Variants in QTGAL observed in about 807,000 individuals in gnomAD.
QTGAL encodes BGnT-like protein 1.
the QTGAL span, among the ~76,000 whole-genome samples, chr17:82,993,642 G>T: frequency 3.9e-5 from 6 of 151,900 alleles, no homozygotes; most frequent in Non-Finnish European, 5.9e-5. Flanking sequence ...GGACCTAATA[G>T]ATATTTACAA....
At chr17:83,016,341 C>T in the QTGAL span, among the ~76,000 whole-genome samples, 88 of 152,186 alleles carry the variant, frequency 5.8e-4, no homozygotes, top group East Asian at 0.014. Flanking sequence ...TCCCGCAAAA[C>T]GGCCTTAGGA....
At chr17:82,979,735 C>T in the QTGAL span, among the ~76,000 whole-genome samples, 9 of 152,164 alleles carry the variant, frequency 5.9e-5, no homozygotes, top group Non-Finnish European at 1.2e-4. Flanking sequence ...CAGCTAGATT[C>T]TTTGTAAATA....
chr17:82,994,174 C>T, the QTGAL span, among the ~76,000 whole-genome samples: 1 of 151,664 alleles, frequency 6.6e-6, no homozygotes, highest in East Asian at 1.9e-4. Flanking sequence ...TAAATGAATT[C>T]AACATAAAGA....
chr17:82,991,073 G>A, the QTGAL span, among the ~76,000 whole-genome samples: 1,849 of 152,302 alleles, frequency 0.012, 43 homozygotes, highest in African/African-American at 0.042. Flanking sequence ...GATCGTAGAT[G>A]AAAATTAACT....
chr17:82,945,323 T>A, the QTGAL span: 17 of 152,168 alleles, frequency 1.1e-4, no homozygotes, highest in African/African-American at 4.1e-4. Flanking sequence ...GGTCTCAGAA[T>A]GAAATGAAAT....
chr17:83,006,558 G>C, the QTGAL span: 1 of 985,372 alleles, frequency 1.0e-6, no homozygotes, highest in Non-Finnish European at 1.2e-6. This position sits in a 1 kb window ranked among gnomAD's most constrained non-coding sequence, Gnocchi z 5.8. Flanking sequence ...CCCAGGGCAC[G>C]AGCACCCGAG....
the QTGAL span, chr17:83,048,799 G>C: frequency 6.2e-7 from 1 of 1,600,174 alleles, no homozygotes; most frequent in East Asian, 2.2e-5. Context: ...GAATTCAAAA[G>C]AAATGGATTA....
At chr17:83,026,239 T>A in the QTGAL span, among the ~76,000 whole-genome samples, 2 of 152,150 alleles carry the variant, frequency 1.3e-5, no homozygotes, top group African/African-American at 2.4e-5. Context: ...TTCGCAGGCA[T>A]CACTCTTCCG....
the QTGAL span, among the ~76,000 whole-genome samples, chr17:82,964,207 G>A: frequency 7.3e-6 from 1 of 136,592 alleles, no homozygotes; most frequent in Non-Finnish European, 1.5e-5. Context: ...AGGTTGTAGT[G>A]AGTGAGCCAC....
the QTGAL span, among the ~76,000 whole-genome samples, chr17:83,034,511 GAATT>G: frequency 4.7e-5 from 7 of 149,306 alleles, no homozygotes; most frequent in African/African-American, 9.7e-5. Context: ...ATCTCATCTT[GAATT>G]AATAACTGAT....
chr17:83,038,933 C>CA, the QTGAL span, among the ~76,000 whole-genome samples: 4 of 128,436 alleles, frequency 3.1e-5, 1 homozygote, highest in Admixed American at 3.3e-4. Flanking sequence ...ATTACAGAAG[C>CA]AAGTTGAAAC....
the QTGAL span, chr17:82,947,053 A>G: frequency 7.2e-7 from 1 of 1,389,582 alleles, no homozygotes; most frequent in African/African-American, 1.4e-5. Flanking sequence ...AGCCTCCTCC[A>G]GGGCCAGGGG....
the QTGAL span, among the ~76,000 whole-genome samples, chr17:83,037,776 C>G: frequency 1.3e-5 from 2 of 152,300 alleles, no homozygotes; most frequent in East Asian, 3.9e-4. This position sits in a 1 kb window ranked among gnomAD's most constrained non-coding sequence, Gnocchi z 5.2. Flanking sequence ...GCCTGGGTAA[C>G]GAAGGAAGAC....
At chr17:82,989,893 A>G in the QTGAL span, among the ~76,000 whole-genome samples, 2 of 152,258 alleles carry the variant, frequency 1.3e-5, no homozygotes, top group Non-Finnish European at 2.9e-5. Context: ...ACAGGAGTAT[A>G]TTACGGGCAA....
the QTGAL span, chr17:83,006,525 T>C: frequency 4.1e-6 from 4 of 985,414 alleles, no homozygotes; most frequent in African/African-American, 7.0e-5. This position sits in a 1 kb window ranked among gnomAD's most constrained non-coding sequence, Gnocchi z 5.8. Flanking sequence ...GAGAGGGACA[T>C]GATGGAGTCC....
the QTGAL span, chr17:83,034,939 AATG>A: frequency 1.9e-6 from 2 of 1,045,672 alleles, no homozygotes; most frequent in African/African-American, 3.2e-5. Context: ...CCATTAGAAA[AATG>A]ATTTTCAAGA....
chr17:82,983,447 T>C, the QTGAL span, among the ~76,000 whole-genome samples: 3 of 152,164 alleles, frequency 2.0e-5, no homozygotes, highest in African/African-American at 4.8e-5. Context: ...GTGGACTCAG[T>C]GTGACACATT....
chr17:82,951,848 C>T, the QTGAL span, among the ~76,000 whole-genome samples: 11 of 151,862 alleles, frequency 7.2e-5, no homozygotes, highest in East Asian at 3.9e-4. Context: ...TCAGAACATT[C>T]GCATTTTATC....
At chr17:83,044,194 C>A in the QTGAL span, among the ~76,000 whole-genome samples, 8 of 152,138 alleles carry the variant, frequency 5.3e-5, no homozygotes, top group Non-Finnish European at 1.2e-4. Flanking sequence ...TAGGAACCTA[C>A]AGGCCAATAG....
Sources: allele counts gnomAD v4.1 joint callset (sites outside exome capture counted in the v4.1 genomes callset), GRCh38; gene constraint gnomAD v4.1.1; non-coding constraint Gnocchi (gnomAD v3.1); transcripts MANE v1.5; gene names NCBI Gene and HGNC (gene_info 2026-07-23, HGNC 2026-07-21).